KDM4C: variants seen among roughly 807,000 people sequenced by gnomAD.
The protein encoded by KDM4C is lysine-specific demethylase 4C.
In KDM4C, 81 loss-of-function variants were observed where a neutral mutation model predicts 129.3. The observed-to-expected ratio is 0.63, with a 90% confidence interval of 0.52 to 0.75. The LOEUF is 0.75. Ranked by LOEUF, KDM4C falls within the 30% of genes least tolerant of loss-of-function variation. KDM4C has a pLI of 0.00. For missense variants in KDM4C, 1,457 were observed against 1,304.0 expected (o/e 1.12, Z -1.81); for synonymous variants, 573 against 456.1 (o/e 1.26, Z -3.26).
chr9:6,856,530 C>G (rs894689403), intron 5 of KDM4C, among the ~76,000 whole-genome samples: 1 of 139,914 alleles, frequency 7.1e-6, no homozygotes, highest in East Asian at 2.2e-4. Flanking sequence ...GCATATCTCT[C>G]TCTGTGTGCG....
chr9:6,761,709 T>C (rs1396786376), intron 1 of KDM4C, among the ~76,000 whole-genome samples: 1 of 152,232 alleles, frequency 6.6e-6, no homozygotes, highest in Non-Finnish European at 1.5e-5. Context: ...AGTGATAAGA[T>C]AGGTACATTC....
intron 18 of KDM4C, among the ~76,000 whole-genome samples, chr9:7,108,591 T>C (rs983241507): frequency 6.6e-6 from 1 of 152,154 alleles, no homozygotes; most frequent in African/African-American, 2.4e-5. Context: ...CCAGTTTTAT[T>C]GCAACTCCTT....
chr9:7,007,926 A>G (rs1265459713), intron 12 of KDM4C, among the ~76,000 whole-genome samples: 2 of 152,232 alleles, frequency 1.3e-5, no homozygotes, highest in African/African-American at 4.8e-5. Flanking sequence ...ACAGTGGAAT[A>G]GGACTTCACA....
At position 6,837,387 on chromosome 9, in the gene KDM4C, C is replaced by G. The variant is rs115612749; in HGVS notation, c.436-12120C>G. On this transcript the variant is annotated intron_variant, in intron 4 of 21. Transcript: ENST00000381309. ...TCATTATTAAGACAGCTTTATTGAG[C>G]TATAATTTATACAATACAAAATTCA... 4.1e-3 allele frequency among the ~76,000 whole-genome samples: 624 copies of G among 152,236 alleles called. 4 individuals are homozygous for G. The highest frequency in any genetic ancestry group is 0.014 in the African/African-American group (578 of 41,530).
intron 17 of KDM4C, among the ~76,000 whole-genome samples, chr9:7,051,528 G>A (rs939481261): frequency 1.1e-4 from 17 of 152,146 alleles, no homozygotes; most frequent in African/African-American, 3.6e-4. Flanking sequence ...GCATTCTTCT[G>A]AAGTTTAAAT....
intron 12 of KDM4C, among the ~76,000 whole-genome samples, chr9:7,004,249 T>C (rs1422202610): frequency 6.6e-6 from 1 of 152,220 alleles, no homozygotes; most frequent in African/African-American, 2.4e-5. Flanking sequence ...AAAGATACTG[T>C]CCTGAGTGAG....
intron 6 of KDM4C, among the ~76,000 whole-genome samples, chr9:6,886,715 A>G (rs544945379): frequency 6.6e-6 from 1 of 152,036 alleles, no homozygotes; most frequent in East Asian, 1.9e-4. Flanking sequence ...GCTGGTCTCG[A>G]ACTCCTGACC....
intron 1 of KDM4C, among the ~76,000 whole-genome samples, chr9:6,730,187 T>A (rs141853418): frequency 1.3e-5 from 2 of 152,324 alleles, no homozygotes; most frequent in East Asian, 3.9e-4. Flanking sequence ...TTGGCTTTGC[T>A]TCTGCGAAGA....
chr9:6,740,420 G>A (rs1429698273), intron 1 of KDM4C, among the ~76,000 whole-genome samples: 1 of 151,614 alleles, frequency 6.6e-6, no homozygotes, highest in Non-Finnish European at 1.5e-5. Context: ...AGCCAGGATG[G>A]TCTTGATCTC....
chr9:7,118,228 A>G (rs967346086), intron 18 of KDM4C, among the ~76,000 whole-genome samples: 5 of 152,238 alleles, frequency 3.3e-5, no homozygotes, highest in Admixed American at 6.5e-5. Flanking sequence ...ACCATTTCCC[A>G]CTGTATTATA....
intron 15 of KDM4C, among the ~76,000 whole-genome samples, chr9:7,016,467 C>T (rs1019591656): frequency 8.2e-6 from 1 of 122,214 alleles, no homozygotes; most frequent in Admixed American, 1.1e-4. Flanking sequence ...CACTCCATTG[C>T]CCAGGCTGGA....
chr9:6,907,922 A>T (rs1818613860), intron 8 of KDM4C, among the ~76,000 whole-genome samples: 1 of 152,234 alleles, frequency 6.6e-6, no homozygotes, highest in Admixed American at 6.5e-5. Flanking sequence ...TTAACATATT[A>T]AATTTTCTAC....
intron 19 of KDM4C, 48 bp from the exon 20 acceptor site, chr9:7,165,190 G>C (rs772630861): frequency 3.1e-6 from 5 of 1,599,800 alleles, no homozygotes; most frequent in Middle Eastern, 1.7e-4. Context: ...TCTAAATGCA[G>C]TCACTTAGGC....
intron 1 of KDM4C, among the ~76,000 whole-genome samples, chr9:6,741,352 G>T (rs567682852): frequency 4.6e-5 from 7 of 151,980 alleles, no homozygotes; most frequent in African/African-American, 1.7e-4. Flanking sequence ...CAGAGATTGC[G>T]ACACTGCACT....
At chr9:6,829,284 G>A (rs1834399354) in intron 4 of KDM4C, among the ~76,000 whole-genome samples, 2 of 152,218 alleles carry the variant, frequency 1.3e-5, no homozygotes, top group Admixed American at 6.5e-5. Flanking sequence ...CATTAGGCAT[G>A]GTGAGCAATG....
At chr9:7,090,693 A>G (rs1835690688) in intron 17 of KDM4C, among the ~76,000 whole-genome samples, 1 of 152,220 alleles carries the variant, frequency 6.6e-6, no homozygotes. Context: ...AAACCGTAAC[A>G]CTATTTCTAC....
intron 8 of KDM4C, among the ~76,000 whole-genome samples, chr9:6,940,606 A>G (rs1257420777): frequency 6.6e-6 from 1 of 150,826 alleles, no homozygotes; most frequent in African/African-American, 2.4e-5. Flanking sequence ...CAGCTCTAAG[A>G]TGTCATAATT....
At chr9:6,888,392 C>T (rs1563763159) in intron 7 of KDM4C, among the ~76,000 whole-genome samples, 1 of 152,094 alleles carries the variant, frequency 6.6e-6, no homozygotes, top group Non-Finnish European at 1.5e-5. Context: ...GATCTATTTT[C>T]TAAAAATTTC....
At chr9:7,102,604 G>A (rs941724407) in intron 17 of KDM4C, among the ~76,000 whole-genome samples, 1 of 152,142 alleles carries the variant, frequency 6.6e-6, no homozygotes, top group Non-Finnish European at 1.5e-5. Flanking sequence ...TTAAGTCACC[G>A]ATCAGATGTG....
Sources: allele counts gnomAD v4.1 joint callset (sites outside exome capture counted in the v4.1 genomes callset), GRCh38; gene constraint gnomAD v4.1.1; transcripts MANE v1.5; gene names NCBI Gene and HGNC (gene_info 2026-07-23, HGNC 2026-07-21).